TASOR: variants seen among roughly 807,000 people sequenced by gnomAD.
TASOR encodes the protein transcription activation suppressor, also known as protein TASOR.
A neutral mutation model predicts 178.6 loss-of-function variants in TASOR; 53 were observed. That is an observed-to-expected ratio of 0.30 (90% confidence interval 0.24 to 0.37). TASOR has a LOEUF of 0.37. TASOR is among the 10% of genes least tolerant of loss of function. The pLI is 1.00. For missense variants in TASOR, 1,815 were observed against 1,971.4 expected (o/e 0.92, Z 1.50); for synonymous variants, 713 against 696.2 (o/e 1.02, Z -0.38).
In TASOR at chr3:56,621,297, T is replaced by C; in HGVS notation, c.*1740A>G. On this transcript the variant is annotated 3_prime_UTR_variant, in exon 24 of 24. Transcript: ENST00000683822. ...ACCCCCATAGTTATGGAGTCTTGAGTTCTAAGAAAATTTTCATCCCTATTG... is the reference window on the plus strand; with the variant it reads ...ACCCCCATAGTTATGGAGTCTTGAGCTCTAAGAAAATTTTCATCCCTATTG... 3.0e-6 allele frequency: 1 copy of C among 332,130 alleles called. No individual in the cohort carries two copies. Among genetic ancestry groups the C allele is most frequent in the Non-Finnish European group, 5.5e-6 (1 of 182,538 alleles). The allele number at this position is 332,130 out of a possible 1,614,324, so 20.6% of individuals were successfully genotyped here.
chr3:56,682,570 G>T, intron 1 of TASOR, 106 bp downstream of exon 1: 1 of 1,051,106 alleles, frequency 9.5e-7, no homozygotes, highest in Non-Finnish European at 1.3e-6. Flanking sequence ...GGCGCTGCAT[G>T]CGTGTTTACG....
At chr3:56,666,049 T>C (rs1214357014) in intron 7 of TASOR, among the ~76,000 whole-genome samples, 2 of 152,100 alleles carry the variant, frequency 1.3e-5, no homozygotes, top group African/African-American at 4.8e-5. Flanking sequence ...AGGTTTAAAT[T>C]TTAGCTTGTA....
intron 11 of TASOR, among the ~76,000 whole-genome samples, chr3:56,659,002 T>G (rs2077535919): frequency 6.6e-6 from 1 of 151,884 alleles, no homozygotes; most frequent in African/African-American, 2.4e-5. Flanking sequence ...GTTTTAATTC[T>G]AGGACATTTA....
At chr3:56,656,535 G>C (rs980846089) in intron 11 of TASOR, among the ~76,000 whole-genome samples, 4 of 152,104 alleles carry the variant, frequency 2.6e-5, no homozygotes, top group African/African-American at 9.6e-5. Context: ...AGGTTGCAGT[G>C]AGCTGAGATC....
intron 2 of TASOR, 88 bp downstream of exon 2, chr3:56,673,492 A>G (rs2030957108): frequency 8.8e-7 from 1 of 1,136,522 alleles, no homozygotes; most frequent in Middle Eastern, 2.2e-4. Flanking sequence ...TTTTCCTAAA[A>G]ATTTTAGTAT....
Position 56,668,432 on chromosome 3 carries a change from A to G in TASOR, c.862T>C (p.Ser288Pro). 1.3e-6 allele frequency: 2 copies of G among 1,551,688 alleles called. No homozygotes were observed. The highest frequency in any genetic ancestry group is 1.7e-6 in the Non-Finnish European group (2 of 1,146,990). ...TCATAGGCTCTGTAAGCCAAAAGTGATGTAATTCGATTGGCATTCTTTGAC... is the reference window on the plus strand; with the variant it reads ...TCATAGGCTCTGTAAGCCAAAAGTGGTGTAATTCGATTGGCATTCTTTGAC... ...HVSKNANRIT[S>P]LLAYRAYELT... The change falls in exon 6 of 24, where the codon TCA becomes CCA. Residue 288 changes from serine (S) to proline (P), a missense_variant. Coordinates refer to ENST00000683822, the MANE Select transcript of TASOR (RefSeq NM_001365635.2).
At chr3:56,672,386 T>C (rs1001527542) in intron 2 of TASOR, among the ~76,000 whole-genome samples, 1 of 152,208 alleles carries the variant, frequency 6.6e-6, no homozygotes, top group African/African-American at 2.4e-5. Flanking sequence ...TACTAAGATT[T>C]TAATTTTCTC....
intron 17 of TASOR, among the ~76,000 whole-genome samples, chr3:56,637,585 C>T (rs200008341): frequency 6.8e-6 from 1 of 146,782 alleles, no homozygotes; most frequent in African/African-American, 2.5e-5. Flanking sequence ...TTCATGGTTT[C>T]TTTTTTTTTT....
rs1236967597 is a variant in TASOR at position 56,620,785 on chromosome 3, A to C, written c.*2252T>G. On this transcript the variant is annotated 3_prime_UTR_variant, in exon 24 of 24. Transcript: ENST00000683822. ...ATAGGATGTACACATTTACCCATCA[A>C]TATAGCACCCAGTGTTATTTCAGCA... The C allele has an allele frequency of 1.3e-5, 2 of 152,228 alleles. No homozygotes were observed. The allele number at this position is 152,228 out of a possible 1,614,324, so 9.4% of individuals were successfully genotyped here.
At chr3:56,659,881 C>CT (rs915429253) in intron 11 of TASOR, among the ~76,000 whole-genome samples, 31 of 148,326 alleles carry the variant, frequency 2.1e-4, no homozygotes, top group Middle Eastern at 3.5e-3. Context: ...TTTCTTTTTT[C>CT]TTTTTTTTTT....
chr3:56,632,682 ACT>A (rs1357812642), intron 18 of TASOR, among the ~76,000 whole-genome samples: 1 of 152,012 alleles, frequency 6.6e-6, no homozygotes, highest in African/African-American at 2.4e-5. Context: ...ACAGGGTCTG[ACT>A]CTATTACCTA....
At chr3:56,675,015 C>A (rs188599348) in intron 1 of TASOR, among the ~76,000 whole-genome samples, 1 of 152,014 alleles carries the variant, frequency 6.6e-6, no homozygotes, top group Admixed American at 6.5e-5. Flanking sequence ...TTAGTAGAGA[C>A]GGGGTTTCAC....
intron 11 of TASOR, among the ~76,000 whole-genome samples, chr3:56,653,822 A>T (rs977053102): frequency 6.6e-6 from 1 of 152,214 alleles, no homozygotes; most frequent in Non-Finnish European, 1.5e-5. Flanking sequence ...TTAAAAAAAA[A>T]TTGGAAACTA....
At chr3:56,645,678 A>G (rs2077221358) in intron 14 of TASOR, among the ~76,000 whole-genome samples, 1 of 152,240 alleles carries the variant, frequency 6.6e-6, no homozygotes, top group African/African-American at 2.4e-5. Context: ...CAACTAAAAC[A>G]AAACAAAGGA....
intron 11 of TASOR, among the ~76,000 whole-genome samples, chr3:56,653,465 A>ATT (rs1437672976): frequency 2.6e-5 from 4 of 151,286 alleles, no homozygotes; most frequent in Non-Finnish European, 5.9e-5. Flanking sequence ...AAAAAAAAAG[A>ATT]TTTAAAAAGT....
chr3:56,673,486 C>A, intron 2 of TASOR, 94 bp downstream of exon 2: 16 of 729,074 alleles, frequency 2.2e-5, no homozygotes, highest in Non-Finnish European at 2.7e-5. Context: ...ATTTGGTTTT[C>A]CTAAAAATTT....
chr3:56,676,472 G>T (rs1034864511), intron 1 of TASOR, among the ~76,000 whole-genome samples: 1 of 152,180 alleles, frequency 6.6e-6, no homozygotes, highest in Admixed American at 6.5e-5. Flanking sequence ...ATTAAACTGT[G>T]AAAAACTTGG....
chr3:56,625,002 T>G lies in TASOR; in HGVS notation c.4144A>C (p.Asn1382His), dbSNP rs764204834. ...GTCAACAGACTTAGAGCTTTAGCAT[T>G]CAATCTGTGAAATTAAGCAGTTCAG... ...QKKLKELGRL[N>H]AKALSLLTLL... is the part of the protein sequence containing the mutation. The change falls in exon 22 of 24, where the codon AAT (asparagine) becomes CAT (histidine). Residue 1382 changes from asparagine (N) to histidine (H), a missense_variant. Physicochemically the swap from Asn to His is moderately conservative, Grantham distance 68. Transcript: ENST00000683822. 7 of 1,613,250 alleles carry G rather than the reference T, an allele frequency of 4.3e-6. No individual in the cohort carries two copies. The Admixed American group carries it at 1.0e-4, about 23-fold the overall frequency.
Position 56,624,896 on chromosome 3 carries a change from G to A in TASOR, c.4250C>T (p.Pro1417Leu), listed in dbSNP as rs1194631343. The A allele has an allele frequency of 1.2e-6, 2 of 1,614,004 alleles. No homozygotes were observed. Among genetic ancestry groups the A allele is most frequent in the African/African-American group, 1.3e-5 (1 of 74,910 alleles). The change falls in exon 22 of 24, where the codon CCA becomes CTA. Residue 1417 changes from proline (P) to leucine (L), a missense_variant. Physicochemically the swap from Pro to Leu is moderately conservative, Grantham distance 98. This residue lies in a region of TASOR where 134 missense variants were observed against 195.2 expected (regional missense o/e 0.69). Transcript: ENST00000683822. ...AAGTCTGATAAGGCAATCCAATTCT[G>A]GAGCATTTCGAGTTTGTGAATCACA... ...HNCDSQTRNA[P>L]ELDCLIRLQA...
Sources: gnomAD v4.1 joint callset for allele counts (sites outside exome capture counted in the v4.1 genomes callset) on GRCh38, gnomAD v4.1.1 for gene constraint, gnomAD v4.1.1 regional missense constraint, MANE v1.5 for transcripts, NCBI Gene and HGNC (gene_info 2026-07-23, HGNC 2026-07-21) for gene names.